Variants in PTPRK observed in about 807,000 individuals in gnomAD.
PTPRK encodes the protein receptor-type tyrosine-protein phosphatase kappa.
PTPRK carries 75 observed loss-of-function variants against 178.0 expected under a neutral mutation model. The ratio of observed to expected loss-of-function variants is 0.42; its 90% CI spans 0.35 to 0.51. PTPRK has a LOEUF of 0.51. Ranked by LOEUF, PTPRK falls within the 20% of genes least tolerant of loss-of-function variation. PTPRK has a pLI of 0.02. For synonymous variants in PTPRK, 637 were observed against 620.6 expected (o/e 1.03, Z -0.39); for missense variants, 1,441 against 1,797.8 (o/e 0.80, Z 3.59).
intron 13 of PTPRK, among the ~76,000 whole-genome samples, chr6:128,014,681 A>C (rs954824341): frequency 6.6e-6 from 1 of 151,614 alleles, no homozygotes; most frequent in African/African-American, 2.4e-5. Context: ...CTTTTAAAAA[A>C]TCTTAGCTGC....
At chr6:128,466,471 G>A (rs1246448825) in intron 1 of PTPRK, among the ~76,000 whole-genome samples, 1 of 152,168 alleles carries the variant, frequency 6.6e-6, no homozygotes, top group Non-Finnish European at 1.5e-5. Flanking sequence ...TATGCATAAT[G>A]TACAAGAGCC....
intron 1 of PTPRK, among the ~76,000 whole-genome samples, chr6:128,445,527 G>GTA (rs773459485): frequency 8.2e-4 from 123 of 149,734 alleles, no homozygotes; most frequent in Non-Finnish European, 1.4e-3. Flanking sequence ...TAAAGTATAT[G>GTA]TATATATATA....
chr6:128,006,540 A>G (rs1441788217), intron 14 of PTPRK, among the ~76,000 whole-genome samples: 1 of 151,002 alleles, frequency 6.6e-6, no homozygotes, highest in African/African-American at 2.4e-5. Flanking sequence ...TTATATCTTA[A>G]TGGTACATAG....
rs1228531190 is a variant in PTPRK, at chr6:128,010,583, T to C, written c.2195-1315A>G. Among the ~76,000 whole-genome samples the C allele has an allele frequency of 6.0e-5, 9 of 151,192 alleles. No individual in the cohort carries two copies. In the Admixed American group the frequency reaches 6.0e-4, roughly 10 times the overall value. On this transcript the variant is annotated intron_variant, in intron 13 of 29. Coordinates refer to ENST00000368226, the MANE Select transcript of PTPRK (RefSeq NM_002844.4). ...TTCTGCCAAAAGGAGACTGTTGAGGTTAACTATTAATTTCTCAAAGTAAGA... is the reference window on the plus strand; with the variant it reads ...TTCTGCCAAAAGGAGACTGTTGAGGCTAACTATTAATTTCTCAAAGTAAGA...
At chr6:128,007,970 G>A in intron 14 of PTPRK, 1 of 1,011,046 alleles carries the variant, frequency 9.9e-7, no homozygotes, top group South Asian at 1.3e-5. Flanking sequence ...CACAGAGGGA[G>A]ACAACAGCAA....
intron 5 of PTPRK, among the ~76,000 whole-genome samples, chr6:128,237,265 T>C (rs1298235645): frequency 6.6e-6 from 1 of 152,202 alleles, no homozygotes; most frequent in Non-Finnish European, 1.5e-5. Context: ...TTGGAGGACA[T>C]ATAAAGTTGA....
intron 7 of PTPRK, among the ~76,000 whole-genome samples, chr6:128,107,379 T>C (rs1789897409): frequency 6.6e-6 from 1 of 152,166 alleles, no homozygotes; most frequent in Non-Finnish European, 1.5e-5. Context: ...AGGAAAACTA[T>C]AATTCAATTC....
intron 6 of PTPRK, among the ~76,000 whole-genome samples, chr6:128,189,537 C>T (rs900019311): frequency 2.0e-4 from 31 of 152,084 alleles, no homozygotes; most frequent in African/African-American, 7.5e-4. Flanking sequence ...CCACACCTGG[C>T]CCATATTTTT....
intron 7 of PTPRK, among the ~76,000 whole-genome samples, chr6:128,115,942 C>T (rs957146335): frequency 2.6e-5 from 4 of 152,060 alleles, no homozygotes; most frequent in Non-Finnish European, 5.9e-5. Context: ...GAGCGGTATA[C>T]ATTCACAAGT....
At chr6:128,083,374 T>G (rs545215404) in intron 9 of PTPRK, among the ~76,000 whole-genome samples, 8 of 151,990 alleles carry the variant, frequency 5.3e-5, no homozygotes, top group Non-Finnish European at 8.8e-5. Flanking sequence ...ATGATAGGAG[T>G]TTCTTAAATT....
In PTPRK at chr6:128,379,225, C is replaced by A. The variant is rs543849146; in HGVS notation, c.223+18341G>T. Among the ~76,000 whole-genome samples the A allele has an allele frequency of 3.9e-5, 6 of 152,172 alleles. No homozygotes were observed. In the South Asian group the frequency reaches 1.2e-3, roughly 32 times the overall value. ...CCTTTCTACTCTCTCTATCTCTGTA[C>A]TCTGCCATTACTACCTAGAGTCATG... On this transcript the variant is annotated intron_variant, in intron 2 of 29. Transcript: ENST00000368226.
At chr6:128,389,413 G>GTTTTTTTTTTTTTTTTTTGT (rs11443907) in intron 2 of PTPRK, among the ~76,000 whole-genome samples, 1 of 144,442 alleles carries the variant, frequency 6.9e-6, no homozygotes, top group Non-Finnish European at 1.5e-5. Flanking sequence ...GTTTTTTTTT[G>GTTTTTTTTTTTTTTTTTTGT]TTTTTTTTGT....
At chr6:128,293,030 A>G (rs565314300) in intron 3 of PTPRK, among the ~76,000 whole-genome samples, 1 of 152,144 alleles carries the variant, frequency 6.6e-6, no homozygotes, top group African/African-American at 2.4e-5. Flanking sequence ...GACCCTGGTT[A>G]AGAAAGTTTC....
chr6:128,421,057 A>G (rs1224920685), intron 1 of PTPRK, among the ~76,000 whole-genome samples: 1 of 152,166 alleles, frequency 6.6e-6, no homozygotes, highest in African/African-American at 2.4e-5. Flanking sequence ...CTTATAAAAA[A>G]CACAATCATT....
At chr6:128,477,574 G>A (rs892411693) in intron 1 of PTPRK, among the ~76,000 whole-genome samples, 2 of 151,372 alleles carry the variant, frequency 1.3e-5, no homozygotes, top group Admixed American at 6.6e-5. Context: ...TCTCTTTTCT[G>A]TACACTTTAG....
At chr6:128,193,402 G>A (rs1485622680) in intron 6 of PTPRK, among the ~76,000 whole-genome samples, 1 of 150,292 alleles carries the variant, frequency 6.7e-6, no homozygotes, top group Non-Finnish European at 1.5e-5. Context: ...AAAACACACC[G>A]ATTTATATAT....
chr6:128,187,416 A>G (rs139144553), intron 6 of PTPRK, among the ~76,000 whole-genome samples: 4 of 152,164 alleles, frequency 2.6e-5, no homozygotes, highest in African/African-American at 9.6e-5. Flanking sequence ...ATAGCTGTGT[A>G]ATCTTAAATA....
intron 3 of PTPRK, among the ~76,000 whole-genome samples, chr6:128,256,111 C>A (rs1817261664): frequency 6.6e-6 from 1 of 152,070 alleles, no homozygotes; most frequent in Admixed American, 6.6e-5. Flanking sequence ...AATTTTTGGT[C>A]CCTGTCCTCA....
rs531829568 is a variant in PTPRK, at chr6:128,318,337, T to C, written c.495+3702A>G. Among the ~76,000 whole-genome samples the C allele has an allele frequency of 3.3e-5, 5 of 152,264 alleles. No individual in the cohort carries two copies. In the East Asian group the frequency reaches 9.7e-4, roughly 29 times the overall value. Reference sequence around the variant, plus strand: ...CTCTGGAGTATAACAATCTTTCTACTGACAAAATATCAATATAATATACAT... The same window carrying C: ...CTCTGGAGTATAACAATCTTTCTACCGACAAAATATCAATATAATATACAT... On this transcript the variant is annotated intron_variant, in intron 3 of 29. Transcript: ENST00000368226.
Sources: allele counts gnomAD v4.1 joint callset (sites outside exome capture counted in the v4.1 genomes callset), GRCh38; gene constraint gnomAD v4.1.1; transcripts MANE v1.5; gene names NCBI Gene and HGNC (gene_info 2026-07-23, HGNC 2026-07-21).